Variants in KCNH1 observed in about 807,000 individuals in gnomAD.
KCNH1 encodes voltage-gated delayed rectifier potassium channel KCNH1.
In KCNH1, 27 loss-of-function variants were observed where a neutral mutation model predicts 69.2. That is an observed-to-expected ratio of 0.39 (90% CI 0.29 to 0.54). The LOEUF (loss-of-function observed/expected upper bound fraction) is 0.54. KCNH1 is among the 20% of genes least tolerant of loss of function. The probability of loss-of-function intolerance (pLI) is 0.68; values close to 1 mark genes in which losing one functional copy is unlikely to be tolerated. For synonymous variants in KCNH1, 456 were observed against 487.7 expected, an observed-to-expected ratio of 0.93 and a Z score of 0.86; for missense variants, 798 against 1,261.6, an observed-to-expected ratio of 0.63 and a Z score of 5.57.
chr1:210,718,125 CAAAA>C (rs969476247), intron 10 of KCNH1, among the ~76,000 whole-genome samples: 5 of 148,106 alleles, frequency 3.4e-5, no homozygotes, highest in African/African-American at 5.0e-5. Flanking sequence ...AAAACAAAAA[CAAAA>C]AACAAGGAAA....
intron 6 of KCNH1, among the ~76,000 whole-genome samples, chr1:210,920,424 C>T (rs1484032435): frequency 6.6e-6 from 1 of 152,018 alleles, no homozygotes; most frequent in Non-Finnish European, 1.5e-5. Context: ...TGAGATATTG[C>T]ATAATATGAA....
rs758132175 is a variant in KCNH1 at position 211,018,949 on chromosome 1, A to G, written c.866T>C (p.Met289Thr). The change falls in exon 6 of 11, where the codon ATG becomes ACG. Residue 289 changes from methionine (M) to threonine (T), a missense_variant. By Grantham distance (81) the Met-to-Thr change is moderately conservative. Coordinates refer to ENST00000271751, the MANE Select transcript of KCNH1 (RefSeq NM_172362.3). ...EVISDPKLIRMNYLKTWFVID... is the reference protein window; with the variant it reads ...EVISDPKLIRTNYLKTWFVID... Reference sequence around the variant, plus strand: ...CACAAACCACGTCTTCAGGTAGTTCATGCGGATAAGTTTGGGGTCAGAAAT... The same window carrying G: ...CACAAACCACGTCTTCAGGTAGTTCGTGCGGATAAGTTTGGGGTCAGAAAT... 1 of 1,614,074 alleles carries G rather than the reference A, an allele frequency of 6.2e-7. No homozygotes were observed.
intron 10 of KCNH1, among the ~76,000 whole-genome samples, chr1:210,696,838 G>C (rs1020022008): frequency 2.0e-5 from 3 of 152,196 alleles, no homozygotes; most frequent in Admixed American, 1.3e-4. Context: ...GTGCAAGGAA[G>C]GGGGCAGAGT....
At chr1:211,059,587 T>C (rs1690389825) in intron 5 of KCNH1, among the ~76,000 whole-genome samples, 2 of 151,282 alleles carry the variant, frequency 1.3e-5, no homozygotes, top group Admixed American at 1.3e-4. Context: ...CTAAAAAATA[T>C]AAAAAATTAG....
chr1:210,921,506 G>A (rs10494930), intron 6 of KCNH1, among the ~76,000 whole-genome samples: 12,020 of 152,242 alleles, frequency 0.079, 673 homozygotes, highest in South Asian at 0.18. Context: ...ACAGACAGAA[G>A]GAAAATGTAC....
chr1:210,920,971 G>C (rs1687447578), intron 6 of KCNH1, among the ~76,000 whole-genome samples: 1 of 152,170 alleles, frequency 6.6e-6, no homozygotes, highest in South Asian at 2.1e-4. Flanking sequence ...TAGTTATCTA[G>C]GGAACAGCAT....
chr1:210,988,105 A>T (rs763869700), intron 6 of KCNH1, among the ~76,000 whole-genome samples: 24 of 152,132 alleles, frequency 1.6e-4, no homozygotes, highest in Non-Finnish European at 3.4e-4. Context: ...TAATCTCCTG[A>T]TGTGCCATTT....
intron 10 of KCNH1, among the ~76,000 whole-genome samples, chr1:210,724,429 C>T (rs1682542245): frequency 6.6e-6 from 1 of 152,088 alleles, no homozygotes. Context: ...GGCCTCTGCT[C>T]ATTTTTCTCT....
intron 5 of KCNH1, among the ~76,000 whole-genome samples, chr1:211,055,448 C>T (rs1690286727): frequency 6.6e-6 from 1 of 152,190 alleles, no homozygotes; most frequent in African/African-American, 2.4e-5. Flanking sequence ...AAGCCAAAGT[C>T]CTCTGTGATG....
intron 7 of KCNH1, among the ~76,000 whole-genome samples, chr1:210,917,351 G>A (rs1370527990): frequency 6.6e-6 from 1 of 150,798 alleles, no homozygotes; most frequent in Non-Finnish European, 1.5e-5. Context: ...GAGAGAGAAA[G>A]AGAGAGAGAG....
At chr1:210,735,592 T>G (rs1457327261) in intron 10 of KCNH1, among the ~76,000 whole-genome samples, 1 of 151,978 alleles carries the variant, frequency 6.6e-6, no homozygotes, top group Non-Finnish European at 1.5e-5. Flanking sequence ...TCTACAAAAG[T>G]CTGCTGATCA....
chr1:210,953,644 A>G (rs925249954), intron 6 of KCNH1, among the ~76,000 whole-genome samples: 19 of 152,180 alleles, frequency 1.2e-4, no homozygotes, highest in African/African-American at 4.3e-4. Flanking sequence ...ATAGAAATTC[A>G]GGATTCTTTC....
At chr1:210,894,769 C>A (rs924295854) in intron 7 of KCNH1, among the ~76,000 whole-genome samples, 1 of 152,212 alleles carries the variant, frequency 6.6e-6, no homozygotes, top group Non-Finnish European at 1.5e-5. Flanking sequence ...TATGATGCAT[C>A]ATGAAGGCCC....
At chr1:210,897,234 C>G (rs1686888437) in intron 7 of KCNH1, among the ~76,000 whole-genome samples, 1 of 152,220 alleles carries the variant, frequency 6.6e-6, no homozygotes, top group African/African-American at 2.4e-5. Context: ...AGGTTGGCCA[C>G]TTGTGCTTCC....
intron 7 of KCNH1, among the ~76,000 whole-genome samples, chr1:210,897,589 T>C (rs1686898799): frequency 6.6e-6 from 1 of 152,208 alleles, no homozygotes; most frequent in African/African-American, 2.4e-5. Flanking sequence ...AGCCCTACTG[T>C]GATTTTTAAA....
intron 7 of KCNH1, among the ~76,000 whole-genome samples, chr1:210,917,233 A>AAGAG (rs1558524797): frequency 2.0e-5 from 2 of 98,766 alleles, no homozygotes; most frequent in Non-Finnish European, 4.2e-5. Context: ...GAGAGAGAGA[A>AAGAG]AGAAAGAAAG....
At chr1:210,766,869 C>T (rs1683646045) in intron 10 of KCNH1, among the ~76,000 whole-genome samples, 2 of 152,108 alleles carry the variant, frequency 1.3e-5, no homozygotes, top group South Asian at 2.1e-4. Flanking sequence ...ATTCAAAGTC[C>T]CCTTGGAAAT....
intron 7 of KCNH1, among the ~76,000 whole-genome samples, chr1:210,871,811 C>T (rs1373514126): frequency 6.9e-6 from 1 of 145,652 alleles, no homozygotes; most frequent in African/African-American, 2.6e-5. Context: ...AACAAAAAAC[C>T]AAACACCGCA....
intron 9 of KCNH1, among the ~76,000 whole-genome samples, chr1:210,782,292 C>T (rs549184865): frequency 2.6e-5 from 4 of 152,270 alleles, no homozygotes; most frequent in African/African-American, 7.2e-5. Flanking sequence ...GCTAATCATA[C>T]CAACCTGCTA....
Sources: gnomAD v4.1 joint callset for allele counts (sites outside exome capture counted in the v4.1 genomes callset) on GRCh38, gnomAD v4.1.1 for gene constraint, MANE v1.5 for transcripts, NCBI Gene and HGNC (gene_info 2026-07-23, HGNC 2026-07-21) for gene names.